The following ZFAT variants were observed in gnomAD, a reference collection of about 807,000 sequenced individuals.
The protein encoded by ZFAT is zinc finger and AT-hook domain containing, also known as zinc finger protein ZFAT.
ZFAT carries 64 observed loss-of-function variants against 117.7 expected under a neutral mutation model. The observed-to-expected ratio is 0.54, with a 90% CI of 0.44 to 0.67. The LOEUF (loss-of-function observed/expected upper bound fraction) is 0.67. Ranked by LOEUF, ZFAT falls within the 30% of genes least tolerant of loss-of-function variation. ZFAT has a pLI of 0.00. For missense variants in ZFAT, 1,433 were observed against 1,584.5 expected, an observed-to-expected ratio of 0.90 and a Z score of 1.62; for synonymous variants, 679 against 615.0, an observed-to-expected ratio of 1.10 and a Z score of -1.54.
chr8:134,726,781 T>TC, the ZFAT span, among the ~76,000 whole-genome samples: 2,859 of 151,546 alleles, frequency 0.019, 76 homozygotes, highest in African/African-American at 0.065. Flanking sequence ...TTTTTTTTTT[T>TC]GTATTTTGGT....
chr8:134,734,485 T>C, the ZFAT span, among the ~76,000 whole-genome samples: 1 of 152,240 alleles, frequency 6.6e-6, no homozygotes, highest in South Asian at 2.1e-4. Context: ...ATTTAAAAAG[T>C]AGTCATAGTG....
At chr8:134,511,256 G>T (rs1376683216) in intron 14 of ZFAT, among the ~76,000 whole-genome samples, 1 of 151,974 alleles carries the variant, frequency 6.6e-6, no homozygotes, top group East Asian at 1.9e-4. Context: ...TGTGTGGGGG[G>T]TGTGTGTGTG....
chr8:134,518,766 T>C (rs1359949619), intron 13 of ZFAT, among the ~76,000 whole-genome samples: 1 of 152,140 alleles, frequency 6.6e-6, no homozygotes, highest in Non-Finnish European at 1.5e-5. Context: ...ATTTGTAAAA[T>C]ATTACTGTTT....
At chr8:134,492,138 G>A (rs879640805) in intron 15 of ZFAT, among the ~76,000 whole-genome samples, 12 of 151,340 alleles carry the variant, frequency 7.9e-5, no homozygotes, top group Admixed American at 1.3e-4. Flanking sequence ...TGGGTCCATC[G>A]GGCTGAGACT....
At chr8:134,796,223 C>A in the ZFAT span, 1 of 152,350 alleles carries the variant, frequency 6.6e-6, no homozygotes, top group African/African-American at 2.4e-5. Context: ...GCAAATTAAT[C>A]ACACTTGAGG....
intron 11 of ZFAT, among the ~76,000 whole-genome samples, chr8:134,554,337 G>A (rs7823948): frequency 0.35 from 53,324 of 151,780 alleles, 9,622 homozygotes; most frequent in East Asian, 0.67. Flanking sequence ...ACAACTTGAC[G>A]GATCTATCAG....
the ZFAT span, chr8:134,784,393 T>G: frequency 1.3e-5 from 2 of 152,194 alleles, no homozygotes; most frequent in Non-Finnish European, 2.9e-5. Flanking sequence ...CAGAAGTATG[T>G]AAAATTGGAA....
At chr8:134,745,042 C>G in the ZFAT span, among the ~76,000 whole-genome samples, 1 of 152,124 alleles carries the variant, frequency 6.6e-6, no homozygotes, top group African/African-American at 2.4e-5. Flanking sequence ...AGGGCCTACT[C>G]TCTTGTAAGG....
intron 2 of ZFAT, among the ~76,000 whole-genome samples, chr8:134,656,111 G>A (rs1831585958): frequency 6.6e-6 from 1 of 152,160 alleles, no homozygotes; most frequent in South Asian, 2.1e-4. Context: ...AAAGCTTCTG[G>A]CCAGGGGTCA....
chr8:134,764,881 T>A, the ZFAT span: 1 of 152,218 alleles, frequency 6.6e-6, no homozygotes. Context: ...ATGCACCTCA[T>A]CAGGGAAGCA....
At chr8:134,799,498 G>A in the ZFAT span, among the ~76,000 whole-genome samples, 3 of 152,112 alleles carry the variant, frequency 2.0e-5, no homozygotes, top group Admixed American at 2.0e-4. Flanking sequence ...TGGAAATAAC[G>A]TTTAGACCAA....
chr8:134,644,155 G>GC (rs1830741527), intron 2 of ZFAT, among the ~76,000 whole-genome samples: 1 of 152,154 alleles, frequency 6.6e-6, no homozygotes, highest in African/African-American at 2.4e-5. Flanking sequence ...ACCAGCTAGG[G>GC]GGCCAGAGTC....
intron 10 of ZFAT, among the ~76,000 whole-genome samples, chr8:134,570,608 C>T (rs1324285826): frequency 6.6e-6 from 1 of 152,148 alleles, no homozygotes; most frequent in Non-Finnish European, 1.5e-5. Flanking sequence ...GTCCTCAGTG[C>T]TTGGAGGTGA....
At chr8:134,693,145 C>A (rs1270209860) in intron 1 of ZFAT, among the ~76,000 whole-genome samples, 2 of 152,194 alleles carry the variant, frequency 1.3e-5, no homozygotes. Context: ...ACCCAGCTCA[C>A]CTAGTTCCCA....
intron 3 of ZFAT, among the ~76,000 whole-genome samples, chr8:134,632,856 C>T (rs781186404): frequency 1.3e-5 from 2 of 152,194 alleles, no homozygotes; most frequent in Admixed American, 6.5e-5. Flanking sequence ...CAAAAAAACA[C>T]AAATAACTAA....
rs758862165 is a variant in ZFAT, at chr8:134,657,547, C to A, written c.196+14G>T. ...TGTCAGAAGGTATCCTGCCCCACCC[C>A]CCAGCCCCCTTACCATCTCCGGTTT... On this transcript the variant is annotated intron_variant, in intron 2 of 15. Transcript: ENST00000377838. 41 of 1,602,360 alleles carry A rather than the reference C, an allele frequency of 2.6e-5. No homozygotes were observed. In the Admixed American group the frequency reaches 6.9e-4, roughly 27 times the overall value.
At chr8:134,605,723 A>G (rs1381588473) in intron 5 of ZFAT, among the ~76,000 whole-genome samples, 3 of 152,190 alleles carry the variant, frequency 2.0e-5, no homozygotes, top group Non-Finnish European at 4.4e-5. Context: ...GTTCGAAGGT[A>G]CCAACATAGG....
In ZFAT at chr8:134,706,901, G is replaced by A. The variant is rs369159194; in HGVS notation, c.19+5944C>T. On this transcript the variant is annotated intron_variant, in intron 1 of 15. Coordinates refer to ENST00000377838, the MANE Select transcript of ZFAT (RefSeq NM_020863.4). The stretch of plus-strand genomic sequence containing the variant: ...GCCAAAAAAAAAAAAAAGAAAGAAA[G>A]AAAAAACCTGTCTCCTGGCAGCTGC... Among the ~76,000 whole-genome samples the A allele has an allele frequency of 1.5e-3, 227 of 150,330 alleles. 1 individual carries two copies. The highest frequency in any genetic ancestry group is 5.3e-3 in the African/African-American group (216 of 40,930).
At chr8:134,696,236 G>A (rs1347473299) in intron 1 of ZFAT, among the ~76,000 whole-genome samples, 1 of 152,096 alleles carries the variant, frequency 6.6e-6, no homozygotes, top group African/African-American at 2.4e-5. Flanking sequence ...TAAGCAAGGA[G>A]GCTCCCCAGA....
Sources: gnomAD v4.1 joint callset for allele counts (sites outside exome capture counted in the v4.1 genomes callset) on GRCh38, gnomAD v4.1.1 for gene constraint, MANE v1.5 for transcripts, NCBI Gene and HGNC (gene_info 2026-07-23, HGNC 2026-07-21) for gene names.